RNF213: variants seen among roughly 807,000 people sequenced by gnomAD.
RNF213 encodes E3 ubiquitin-protein ligase RNF213.
RNF213 carries 341 observed loss-of-function variants against 514.4 expected under a neutral mutation model. The ratio of observed to expected loss-of-function variants is 0.66; its 90% CI spans 0.61 to 0.73. The LOEUF (loss-of-function observed/expected upper bound fraction) is 0.73, where lower values mean the gene tolerates loss of function less well. Among genes scored for constraint, RNF213 ranks in the 30% least tolerant of loss-of-function variants. RNF213 has a pLI of 0.00. For synonymous variants in RNF213, 2,655 were observed against 2,658.2 expected (o/e 1.00, Z 0.04); for missense variants, 5,767 against 6,615.6 (o/e 0.87, Z 4.45).
intron 26 of RNF213, among the ~76,000 whole-genome samples, chr17:80,342,432 T>G (rs2078179537): frequency 1.3e-5 from 2 of 152,102 alleles, no homozygotes; most frequent in South Asian, 4.1e-4. Context: ...TTCTTGAATC[T>G]GATGTTATGT....
At chr17:80,308,973 C>T (rs2143615956) in intron 13 of RNF213, 45 bp from the exon 14 acceptor site, 1 of 1,612,186 alleles carries the variant, frequency 6.2e-7, no homozygotes, top group Non-Finnish European at 8.5e-7. Context: ...TTTCTGGCTT[C>T]TCCTAAATCC....
At chr17:80,274,163 G>A (rs1351678810) in intron 3 of RNF213, among the ~76,000 whole-genome samples, 1 of 152,094 alleles carries the variant, frequency 6.6e-6, no homozygotes, top group Non-Finnish European at 1.5e-5. Flanking sequence ...GAGGGGCTTT[G>A]AAGCTTTGGG....
At position 80,386,758 on chromosome 17, in the gene RNF213, C is replaced by T; in HGVS notation, c.14789C>T (p.Thr4930Ile). 6.2e-7 allele frequency: 1 copy of T among 1,614,234 alleles called. No individual in the cohort carries two copies. Among genetic ancestry groups the T allele is most frequent in the Non-Finnish European group, 8.5e-7 (1 of 1,180,034 alleles). The change falls in exon 63 of 68, where the codon ACT becomes ATT. Residue 4930 changes from threonine (T) to isoleucine (I), a missense_variant. Physicochemically the swap from Thr to Ile is moderately conservative, Grantham distance 89. This residue lies in a region of RNF213 where 1,245 missense variants were observed against 1,339.0 expected (regional missense o/e 0.93). Coordinates refer to ENST00000582970, the MANE Select transcript of RNF213 (RefSeq NM_001256071.3). ...AGTTATGAAGTGGAGCGGGACCTGA[C>T]TCCACTGATTCTCTCCAACTGCCAG... The part of the protein sequence containing the change: ...VISYEVERDL[T>I]PLILSNCQYQ...
At chr17:80,330,979 A>G (rs937547666) in intron 20 of RNF213, among the ~76,000 whole-genome samples, 98 of 152,274 alleles carry the variant, frequency 6.4e-4, no homozygotes, top group African/African-American at 2.3e-3. Flanking sequence ...CACCACGTCC[A>G]GCTAGTTTTT....
intron 16 of RNF213, 113 bp from the exon 17 acceptor site, chr17:80,319,077 G>C (rs55767628): frequency 0.13 from 207,869 of 1,603,656 alleles, 16,360 homozygotes; most frequent in African/African-American, 0.33. Context: ...CTTAAAATTG[G>C]GGGAAACAGT....
chr17:80,362,462 T>C (rs1157271535), intron 39 of RNF213, among the ~76,000 whole-genome samples: 1 of 152,236 alleles, frequency 6.6e-6, no homozygotes, highest in East Asian at 1.9e-4. Flanking sequence ...ATTTGAAAAA[T>C]TGCTTAGCCT....
chr17:80,362,037 A>ACCCCTTCACCC, intron 39 of RNF213, 149 bp downstream of exon 39: 1 of 885,230 alleles, frequency 1.1e-6, no homozygotes, highest in Non-Finnish European at 1.8e-6. Flanking sequence ...CCGGTGGGTG[A>ACCCCTTCACCC]AGGGGTCGCC....
chr17:80,363,169 A>C lies in RNF213; in HGVS notation c.11423A>C (p.Glu3808Ala). The change falls in exon 40 of 68, where the codon GAG (glutamate) becomes GCG (alanine). Residue 3808 changes from glutamate to alanine, a missense_variant. By Grantham distance (107) the Glu-to-Ala change is moderately radical. This residue lies in a region of RNF213 where 355 missense variants were observed against 358.0 expected (regional missense o/e 0.99). Transcript: ENST00000582970. ...GCGGCGTCAGAAGCGCCCGAGGAAG[A>C]GGTTTCCTTACCGTGGGTGCACCTT... ...LKAASEAPEEEVSLPWVHLAY... is the reference protein window; with the variant it reads ...LKAASEAPEEAVSLPWVHLAY... The C allele has an allele frequency of 1.2e-6, 2 of 1,614,250 alleles. No individual in the cohort carries two copies.
chr17:80,359,733 T>C (rs899796666), intron 37 of RNF213, among the ~76,000 whole-genome samples: 7 of 152,126 alleles, frequency 4.6e-5, no homozygotes, highest in African/African-American at 1.7e-4. Flanking sequence ...CTCTAACAAG[T>C]TGTGCTCTGT....
chr17:80,274,085 G>A (rs2043928436), intron 3 of RNF213, among the ~76,000 whole-genome samples: 1 of 152,140 alleles, frequency 6.6e-6, no homozygotes, highest in Non-Finnish European at 1.5e-5. Context: ...TTCGGGGCAG[G>A]GACCTGAGCG....
chr17:80,343,276 C>A lies in RNF213; in HGVS notation c.6134C>A (p.Ala2045Glu). The A allele has an allele frequency of 1.2e-6, 2 of 1,613,630 alleles. No homozygotes were observed. The highest frequency in any genetic ancestry group is 1.7e-6 in the Non-Finnish European group (2 of 1,179,826). The change falls in exon 27 of 68, where the codon GCG becomes GAG. Residue 2045 changes from alanine (A) to glutamate (E), a missense_variant. By Grantham distance (107) the Ala-to-Glu change is moderately radical (BLOSUM62 -1). Transcript: ENST00000582970. The surrounding 1 kb of genome is among the most constrained non-coding windows in gnomAD (Gnocchi z 4.3). ...GGCGCCCTGCTGCCCTTCCTGGATG[C>A]GCAGTATCAGAAGGTCCCCGTGCTC... Reference protein sequence around the residue: ...VLGALLPFLDAQYQKVPVLFH... With the variant: ...VLGALLPFLDEQYQKVPVLFH...
In RNF213 at chr17:80,385,059, A is replaced by G; in HGVS notation, c.14343A>G (p.Val4781=). 1.2e-6 allele frequency: 2 copies of G among 1,614,222 alleles called. No homozygotes were observed. The highest frequency in any genetic ancestry group is 8.5e-7 in the Non-Finnish European group (1 of 1,180,038). Residue 4781 remains valine (V), a synonymous_variant, in exon 60 of 68, where the codon GTA becomes GTG. Transcript: ENST00000582970. The stretch of plus-strand genomic sequence containing the variant: ...TCCAGGAAGCAGAGCTGAGGCTGGT[A>G]AAGTTCCTGCCTGAGATTTTGGCCT... ...FLQKEAELRL[V]KFLPEILALQ...
chr17:80,337,780 A>G (rs1316575957), intron 24 of RNF213, 53 bp from the exon 25 acceptor site: 2 of 1,536,682 alleles, frequency 1.3e-6, no homozygotes, highest in Non-Finnish European at 1.7e-6. Context: ...GGCTGCTGCC[A>G]GTCCAGGTCT....
intron 44 of RNF213, among the ~76,000 whole-genome samples, chr17:80,368,801 C>G (rs989961701): frequency 1.1e-4 from 16 of 152,150 alleles, no homozygotes; most frequent in Non-Finnish European, 2.1e-4. Context: ...CACTTCTTGT[C>G]TAGCTTTTTG....
At chr17:80,278,267 C>T (rs974843656) in intron 3 of RNF213, among the ~76,000 whole-genome samples, 7 of 152,348 alleles carry the variant, frequency 4.6e-5, no homozygotes, top group African/African-American at 9.6e-5. Flanking sequence ...AGGGAGGTGT[C>T]GGATGAGCAT....
chr17:80,309,105 G>A lies in RNF213; in HGVS notation c.2589G>A (p.Lys863=). The A allele has an allele frequency of 6.2e-7, 1 of 1,614,202 alleles. No individual in the cohort carries two copies. Among genetic ancestry groups the A allele is most frequent in the Non-Finnish European group, 8.5e-7 (1 of 1,180,042 alleles). ...EAICSSTKLL[K]FYELPALSAE... is the part of the protein sequence containing the mutation. ...TCTGCAGCAGCACAAAGCTACTTAA[G>A]TTTTACGAGCTGCCAGCCTTATCTG... is the stretch of plus-strand genomic sequence containing the variant. The change falls in exon 14 of 68, where the codon AAG becomes AAA. Residue 863 remains lysine (K), a synonymous_variant. Coordinates refer to ENST00000582970, the MANE Select transcript of RNF213 (RefSeq NM_001256071.3).
intron 3 of RNF213, among the ~76,000 whole-genome samples, chr17:80,283,511 G>A (rs992261008): frequency 3.3e-5 from 5 of 152,242 alleles, no homozygotes; most frequent in African/African-American, 9.6e-5. Flanking sequence ...GGCAGAGGGA[G>A]TGAGGCCAGG....
intron 2 of RNF213, among the ~76,000 whole-genome samples, chr17:80,266,405 C>T (rs1205210698): frequency 6.6e-6 from 1 of 151,002 alleles, no homozygotes; most frequent in East Asian, 1.9e-4. Flanking sequence ...CAGAGTGAGA[C>T]CCTGTCTTAG....
At chr17:80,323,674 C>T (rs1473722302) in intron 17 of RNF213, among the ~76,000 whole-genome samples, 2 of 152,016 alleles carry the variant, frequency 1.3e-5, no homozygotes, top group African/African-American at 2.4e-5. Flanking sequence ...AGGGTGGTCT[C>T]GAACTCCTGA....
Sources: allele counts gnomAD v4.1 joint callset (sites outside exome capture counted in the v4.1 genomes callset), GRCh38; gene constraint gnomAD v4.1.1; regional missense constraint gnomAD v4.1.1; non-coding constraint Gnocchi (gnomAD v3.1); transcripts MANE v1.5; gene names NCBI Gene and HGNC (gene_info 2026-07-23, HGNC 2026-07-21).